The following TNFRSF1A variants were observed in gnomAD, a reference collection of about 807,000 sequenced individuals.
The protein encoded by TNFRSF1A is TNF receptor superfamily member 1A, also known as tumor necrosis factor receptor superfamily member 1A.
A neutral mutation model predicts 41.6 loss-of-function variants in TNFRSF1A; 9 were observed. The observed-to-expected ratio is 0.22, with a 90% confidence interval of 0.13 to 0.38. TNFRSF1A has a LOEUF of 0.38. Among genes scored for constraint, TNFRSF1A ranks in the 10% least tolerant of loss-of-function variants. TNFRSF1A has a pLI of 1.00. For synonymous variants in TNFRSF1A, 254 were observed against 248.6 expected, an observed-to-expected ratio of 1.02 and a Z score of -0.21; for missense variants, 463 against 591.5, an observed-to-expected ratio of 0.78 and a Z score of 2.25.
At position 6,333,174 on chromosome 12, in the gene TNFRSF1A, A is replaced by G. The variant is rs1339573853; in HGVS notation, c.473-27T>C. Reference sequence around the variant, plus strand: ...TGTAGGGAGAAGTGCGGCACAGCTAAAGGAGAAGCGCCTGCACCCCCACCC... The same window carrying G: ...TGTAGGGAGAAGTGCGGCACAGCTAGAGGAGAAGCGCCTGCACCCCCACCC... On this transcript the variant is annotated intron_variant, in intron 4 of 9. Coordinates refer to ENST00000162749, the MANE Select transcript of TNFRSF1A (RefSeq NM_001065.4). The surrounding 1 kb of genome is among the most constrained non-coding windows in gnomAD (Gnocchi z 6.3). 64 of 1,611,688 alleles carry G rather than the reference A, an allele frequency of 4.0e-5. No individual in the cohort carries two copies. The Admixed American group carries it at 1.0e-3, about 26-fold the overall frequency.
rs1948196473 is a variant in TNFRSF1A, at chr12:6,341,674, A to G, written c.39+102T>C. 2 of 1,383,224 alleles carry G rather than the reference A, an allele frequency of 1.4e-6. No homozygotes were observed. Among genetic ancestry groups the G allele is most frequent in the African/African-American group, 1.4e-5 (1 of 70,480 alleles). The allele number at this position is 1,383,224 out of a possible 1,614,324, so 85.7% of individuals were successfully genotyped here. A position where few individuals can be genotyped will look rare whatever the true frequency, so the allele number is the denominator to read the frequency against. The stretch of plus-strand genomic sequence containing the variant: ...CAGGCCTGAGGCTGGCGCCAGGACC[A>G]GGCCCGGGCAGGAGAGGCTCGGCCC... On this transcript the variant is annotated intron_variant, in intron 1 of 9. Coordinates refer to ENST00000162749, the MANE Select transcript of TNFRSF1A (RefSeq NM_001065.4). This position sits in a 1 kb window ranked among gnomAD's most constrained non-coding sequence, Gnocchi z 4.6.
Position 6,333,747 on chromosome 12 carries a change from T to C in TNFRSF1A, c.312A>G (p.Lys104=). ...NHLRHCLSCS[K]CRKEMGQVEI... is the part of the protein sequence containing the mutation. Reference sequence around the variant, plus strand: ...CCTGTGCACACTCACCCTTTCGGCATTTGGAGCAGCTGAGGCAGTGTCTGA... The same window carrying C: ...CCTGTGCACACTCACCCTTTCGGCACTTGGAGCAGCTGAGGCAGTGTCTGA... The change falls in exon 3 of 10, where the codon AAA becomes AAG. Residue 104 remains lysine, a synonymous_variant. Coordinates refer to ENST00000162749, the MANE Select transcript of TNFRSF1A (RefSeq NM_001065.4). This position sits in a 1 kb window ranked among gnomAD's most constrained non-coding sequence, Gnocchi z 6.3. The C allele has an allele frequency of 6.4e-7, 1 of 1,570,956 alleles. No individual in the cohort carries two copies. The highest frequency in any genetic ancestry group is 2.3e-5 in the East Asian group (1 of 42,812).
In TNFRSF1A at chr12:6,333,726, T is replaced by C; in HGVS notation, c.322+11A>G. 6.4e-7 allele frequency: 1 copy of C among 1,567,746 alleles called. No homozygotes were observed. On this transcript the variant is annotated intron_variant, in intron 3 of 9. Transcript: ENST00000162749. The surrounding 1 kb of genome is among the most constrained non-coding windows in gnomAD (Gnocchi z 6.3). ...AAGACCCGCCTGACTCTCCTGCCTG[T>C]GCACACTCACCCTTTCGGCATTTGG...
intron 6 of TNFRSF1A, 68 bp downstream of exon 6, chr12:6,330,785 G>C (rs1948040219): frequency 6.3e-7 from 1 of 1,577,324 alleles, no homozygotes; most frequent in African/African-American, 1.3e-5. Context: ...GGGTGGGATG[G>C]ATGGACGGGT....
Position 6,339,839 on chromosome 12 carries a change from T to TCA in TNFRSF1A, c.39+1936_39+1937insTG, listed in dbSNP as rs1312763687. Among the ~76,000 whole-genome samples the TCA allele has an allele frequency of 7.4e-4, 90 of 120,876 alleles. 1 individual carries two copies. Among genetic ancestry groups the TCA allele is most frequent in the South Asian group, 6.7e-3 (27 of 4,002 alleles). 79.3% of individuals were successfully genotyped at this position (120,876 alleles called of 152,430 possible). Reference sequence around the variant, plus strand: ...ACTTCTCTCTCTCTCTCTCTCTCTCTCTCACACACACACACACACACACAC... The same window carrying TCA: ...ACTTCTCTCTCTCTCTCTCTCTCTCTCACTCACACACACACACACACACACAC... On this transcript the variant is annotated intron_variant, in intron 1 of 9. Transcript: ENST00000162749.
chr12:6,333,347 C>T lies in TNFRSF1A; in HGVS notation c.472+20G>A, dbSNP rs1948076586. On this transcript the variant is annotated intron_variant, in intron 4 of 9. Transcript: ENST00000162749. This position sits in a 1 kb window ranked among gnomAD's most constrained non-coding sequence, Gnocchi z 6.3. The stretch of plus-strand genomic sequence containing the variant: ...CCCTGGGGTGGGGAGAGGGCTTGGC[C>T]TCAGGAGAGCTGCGCTCACAGGAGA... The T allele has an allele frequency of 1.2e-6, 2 of 1,611,912 alleles. No individual in the cohort carries two copies. Among genetic ancestry groups the T allele is most frequent in the East Asian group, 4.5e-5 (2 of 44,786 alleles).
intron 5 of TNFRSF1A, among the ~76,000 whole-genome samples, chr12:6,332,773 A>G (rs1221993162): frequency 6.6e-6 from 1 of 152,224 alleles, no homozygotes; most frequent in Non-Finnish European, 1.5e-5. Context: ...TTTCAGAGCT[A>G]TAAGAGTGTA....
Position 6,333,835 on chromosome 12 carries a change from G to T in TNFRSF1A, c.224C>A (p.Pro75Gln), listed in dbSNP as rs4149637. 6.3e-7 allele frequency: 1 copy of T among 1,599,402 alleles called. No homozygotes were observed. Among genetic ancestry groups the T allele is most frequent in the Non-Finnish European group, 8.5e-7 (1 of 1,172,464 alleles). The change falls in exon 3 of 10, where the codon CCG (proline) becomes CAG (glutamine). Residue 75 changes from proline (P) to glutamine (Q), a missense_variant. Physicochemically the swap from Pro to Gln is moderately conservative, Grantham distance 76. Transcript: ENST00000162749. The surrounding 1 kb of genome is among the most constrained non-coding windows in gnomAD (Gnocchi z 6.3). ...GTYLYNDCPGPGQDTDCRECE... is the reference protein window; with the variant it reads ...GTYLYNDCPGQGQDTDCRECE... ...CTCCCTGCAGTCCGTATCCTGCCCC[G>T]GGCCTGGACAGTCATTGTACAAGTA...
chr12:6,333,120 G>T lies in TNFRSF1A; in HGVS notation c.500C>A (p.Thr167Asn). The change falls in exon 5 of 10, where the codon ACC becomes AAC. Residue 167 changes from threonine to asparagine, a missense_variant. Physicochemically the swap from Thr to Asn is moderately conservative, Grantham distance 65 (BLOSUM62 0). This residue lies in a region of TNFRSF1A where 149 missense variants were observed against 239.4 expected (regional missense o/e 0.62). Coordinates refer to ENST00000162749, the MANE Select transcript of TNFRSF1A (RefSeq NM_001065.4). This position sits in a 1 kb window ranked among gnomAD's most constrained non-coding sequence, Gnocchi z 6.3. ...SCQEKQNTVCTCHAGFFLREN... is the reference protein window; with the variant it reads ...SCQEKQNTVCNCHAGFFLREN... ...TCTTAGAAAGAAACCTGCATGGCAG[G>T]TGCACACGGTGTTCTGTTTCTCCTG... The T allele has an allele frequency of 6.2e-7, 1 of 1,614,234 alleles. No homozygotes were observed. Among genetic ancestry groups the T allele is most frequent in the Non-Finnish European group, 8.5e-7 (1 of 1,180,042 alleles).
intron 1 of TNFRSF1A, among the ~76,000 whole-genome samples, chr12:6,336,228 C>T (rs1460535818): frequency 6.6e-6 from 1 of 152,106 alleles, no homozygotes; most frequent in Non-Finnish European, 1.5e-5. Flanking sequence ...ATGAGCCTCC[C>T]TGGAGGGAGG....
In TNFRSF1A at chr12:6,341,995, G is replaced by A; in HGVS notation, c.-181C>T. 2.9e-6 allele frequency: 2 copies of A among 681,734 alleles called. No individual in the cohort carries two copies. Among genetic ancestry groups the A allele is most frequent in the Non-Finnish European group, 5.3e-6 (2 of 373,862 alleles). 42.2% of individuals were successfully genotyped at this position (681,734 alleles called of 1,614,324 possible). The stretch of plus-strand genomic sequence containing the variant: ...GGTCCCAGTGATCTTGAACCCCAAA[G>A]GCCAGAACTGGAGCCTCAGTCCAGA... On this transcript the variant is annotated 5_prime_UTR_variant, in exon 1 of 10. Transcript: ENST00000162749. The surrounding 1 kb of genome is among the most constrained non-coding windows in gnomAD (Gnocchi z 4.6).
rs927522335 is a variant in TNFRSF1A, at chr12:6,341,706, G to C, written c.39+70C>G. On this transcript the variant is annotated intron_variant, in intron 1 of 9. Coordinates refer to ENST00000162749, the MANE Select transcript of TNFRSF1A (RefSeq NM_001065.4). This position sits in a 1 kb window ranked among gnomAD's most constrained non-coding sequence, Gnocchi z 4.6. Reference sequence around the variant, plus strand: ...GGCAGGAGAGGCTCGGCCCCCTCCCGGAGAGGGCCCACGCCAGCCGGAAGG... The same window carrying C: ...GGCAGGAGAGGCTCGGCCCCCTCCCCGAGAGGGCCCACGCCAGCCGGAAGG... 1.9e-6 allele frequency: 3 copies of C among 1,578,696 alleles called. No homozygotes were observed. The highest frequency in any genetic ancestry group is 1.7e-5 in the Admixed American group (1 of 57,518).
In TNFRSF1A at chr12:6,330,667, G is replaced by C. The variant is rs1948038172; in HGVS notation, c.670C>G (p.Leu224Val). 6.2e-7 allele frequency: 1 copy of C among 1,613,934 alleles called. No homozygotes were observed. The highest frequency in any genetic ancestry group is 1.1e-5 in the South Asian group (1 of 91,088). Reference protein sequence around the residue: ...LPLVIFFGLCLLSLLFIGLMY... With the variant: ...LPLVIFFGLCVLSLLFIGLMY... ...AAACCAATGAAGAGGAGGGATAAAA[G>C]GCAAAGACCAAAGAAAATGACCAGG... is the stretch of plus-strand genomic sequence containing the variant. Residue 224 changes from leucine to valine, a missense_variant, in exon 7 of 10, where the codon CTT (leucine) becomes GTT (valine). Around this residue, in one of 4 missense-constraint regions of TNFRSF1A, gnomAD observed 149 missense variants for 239.4 expected, o/e 0.62. Coordinates refer to ENST00000162749, the MANE Select transcript of TNFRSF1A (RefSeq NM_001065.4).
rs200609451 is a variant in TNFRSF1A at position 6,329,149 on chromosome 12, C to T, written c.*163G>A. On this transcript the variant is annotated 3_prime_UTR_variant, in exon 10 of 10. Transcript: ENST00000162749. ...CGCGCACAGCGCTGACTGTCGGCGGCGCGCAGGCAGCTGAGAAAAGCTATG... is the reference window on the plus strand; with the variant it reads ...CGCGCACAGCGCTGACTGTCGGCGGTGCGCAGGCAGCTGAGAAAAGCTATG... 2 of 639,160 alleles carry T rather than the reference C, an allele frequency of 3.1e-6. No homozygotes were observed. Among genetic ancestry groups the T allele is most frequent in the Non-Finnish European group, 4.8e-6 (2 of 420,878 alleles). 39.6% of individuals were successfully genotyped at this position (639,160 alleles called of 1,614,324 possible).
At chr12:6,340,057 T>A (rs2136832209) in intron 1 of TNFRSF1A, among the ~76,000 whole-genome samples, 1 of 152,232 alleles carries the variant, frequency 6.6e-6, no homozygotes, top group East Asian at 1.9e-4. Flanking sequence ...ACCTTTACCC[T>A]CTGTTTTCCC....
Position 6,337,022 on chromosome 12 carries a change from AC to A in TNFRSF1A, c.40-2779del, listed in dbSNP as rs1464822931. On this transcript the variant is annotated intron_variant, in intron 1 of 9. Coordinates refer to ENST00000162749, the MANE Select transcript of TNFRSF1A (RefSeq NM_001065.4). The surrounding 1 kb of genome is among the most constrained non-coding windows in gnomAD (Gnocchi z 4.6). Reference sequence around the variant, plus strand: ...CAGGAAAGCCTCCAGAGCCCTGAACACCCACTTCCAGGAACGAGGGAGCAGG... The same window carrying A: ...CAGGAAAGCCTCCAGAGCCCTGAACACCACTTCCAGGAACGAGGGAGCAGG... Among the ~76,000 whole-genome samples, 5 of 152,296 alleles carry A rather than the reference AC, an allele frequency of 3.3e-5. No individual in the cohort carries two copies. The East Asian group carries it at 7.7e-4, about 23-fold the overall frequency.
rs201005876 is a variant in TNFRSF1A at position 6,328,900 on chromosome 12, G to C, written c.*412C>G. ...GCTTGTCCAGGCAGAGGGCACAGGAGTGCCAAGTTTCTATTAGTGTAACAT... is the reference window on the plus strand; with the variant it reads ...GCTTGTCCAGGCAGAGGGCACAGGACTGCCAAGTTTCTATTAGTGTAACAT... On this transcript the variant is annotated 3_prime_UTR_variant, in exon 10 of 10. Transcript: ENST00000162749. The C allele has an allele frequency of 1.2e-4, 22 of 181,460 alleles. No homozygotes were observed. Among genetic ancestry groups the C allele is most frequent in the African/African-American group, 4.7e-4 (20 of 42,848 alleles). 11.2% of individuals were successfully genotyped at this position (181,460 alleles called of 1,614,324 possible). A position where few individuals can be genotyped will look rare whatever the true frequency, so the allele number is the denominator to read the frequency against.
chr12:6,330,025 G>T lies in TNFRSF1A; in HGVS notation c.810C>A (p.Asn270Lys), dbSNP rs773534506. The T allele has an allele frequency of 1.1e-5, 17 of 1,611,996 alleles. No individual in the cohort carries two copies. Among genetic ancestry groups the T allele is most frequent in the Non-Finnish European group, 1.4e-5 (17 of 1,179,282 alleles). Residue 270 changes from asparagine (N) to lysine (K), a missense_variant, in exon 9 of 10, where the codon AAC becomes AAA. By Grantham distance (94) the Asn-to-Lys change is moderately conservative. This residue lies in a region of TNFRSF1A where 277 missense variants were observed against 288.8 expected (regional missense o/e 0.96). Transcript: ENST00000162749. ...AGCCTGGAGTGGGACTGAAGCTTGG[G>T]TTTGGGGCCAGGGGCTTAGTAGTAG... ...EGTTTKPLAP[N>K]PSFSPTPGFT...
Position 6,329,452 on chromosome 12 carries a change from G to C in TNFRSF1A, c.1228C>G (p.Arg410Gly). 8 of 1,588,610 alleles carry C rather than the reference G, an allele frequency of 5.0e-6. No individual in the cohort carries two copies. Among genetic ancestry groups the C allele is most frequent in the Non-Finnish European group, 6.8e-6 (8 of 1,174,766 alleles). ...QYSMLATWRR[R>G]TPRREATLEL... ...AGCGTGGCCTCGCGCCGCGGCGTGC[G>C]CCGCCTCCAGGTCGCCAGCATGCTG... The change falls in exon 10 of 10, where the codon CGC (arginine) becomes GGC (glycine). Residue 410 changes from arginine to glycine, a missense_variant. Coordinates refer to ENST00000162749, the MANE Select transcript of TNFRSF1A (RefSeq NM_001065.4).
Sources: gnomAD v4.1 joint callset for allele counts (sites outside exome capture counted in the v4.1 genomes callset) on GRCh38, gnomAD v4.1.1 for gene constraint, gnomAD v4.1.1 regional missense constraint, Gnocchi (gnomAD v3.1) non-coding constraint, MANE v1.5 for transcripts, NCBI Gene and HGNC (gene_info 2026-07-23, HGNC 2026-07-21) for gene names.